TENM4: variants seen among roughly 807,000 people sequenced by gnomAD.
TENM4 encodes the protein teneurin-4.
In TENM4, 82 loss-of-function variants were observed where a neutral mutation model predicts 243.3. That is an observed-to-expected ratio of 0.34 (90% CI 0.28 to 0.40). The LOEUF is 0.40. TENM4 is among the 10% of genes least tolerant of loss of function. The pLI, the probability that TENM4 is intolerant of heterozygous loss-of-function variation, is 1.00. For synonymous variants in TENM4, 1,412 were observed against 1,456.3 expected (o/e 0.97, Z 0.69); for missense variants, 3,138 against 3,673.3 (o/e 0.85, Z 3.77).
chr11:78,914,420 C>T (rs540312761), intron 6 of TENM4, among the ~76,000 whole-genome samples: 1 of 152,286 alleles, frequency 6.6e-6, no homozygotes, highest in East Asian at 1.9e-4. Flanking sequence ...AGGAAGTTAC[C>T]TGGAGCAGAC....
chr11:78,738,158 G>T (rs1272427579), intron 20 of TENM4, among the ~76,000 whole-genome samples: 3 of 152,282 alleles, frequency 2.0e-5, no homozygotes, highest in Middle Eastern at 3.4e-3. Context: ...TGCAGAAAGT[G>T]GTTCGCATGA....
At chr11:79,113,552 G>C (rs908885940) in intron 4 of TENM4, among the ~76,000 whole-genome samples, 1 of 151,814 alleles carries the variant, frequency 6.6e-6, no homozygotes, top group Non-Finnish European at 1.5e-5. Context: ...AAAACTCACC[G>C]AGAAAGCAAC....
intron 1 of TENM4, among the ~76,000 whole-genome samples, chr11:79,430,859 T>C (rs1859152842): frequency 6.6e-6 from 1 of 152,134 alleles, no homozygotes; most frequent in African/African-American, 2.4e-5. Flanking sequence ...TAAATGGCCA[T>C]AAAGAGAATT....
chr11:79,045,432 G>C (rs1419708615), intron 6 of TENM4, among the ~76,000 whole-genome samples: 1 of 152,166 alleles, frequency 6.6e-6, no homozygotes, highest in African/African-American at 2.4e-5. Context: ...AGTAAGATTG[G>C]GATTTAAGTC....
intron 3 of TENM4, among the ~76,000 whole-genome samples, chr11:79,208,385 C>G (rs1863890958): frequency 6.6e-6 from 1 of 152,220 alleles, no homozygotes; most frequent in African/African-American, 2.4e-5. Context: ...GAAAGTACTT[C>G]TCTCCACCCT....
intron 9 of TENM4, among the ~76,000 whole-genome samples, chr11:78,870,305 C>G (rs1310259151): frequency 6.6e-6 from 1 of 152,162 alleles, no homozygotes; most frequent in Admixed American, 6.5e-5. Flanking sequence ...TGTGATACTG[C>G]CTTTTTCTTC....
At chr11:79,136,549 C>T (rs150515896) in intron 4 of TENM4, among the ~76,000 whole-genome samples, 25 of 152,284 alleles carry the variant, frequency 1.6e-4, no homozygotes, top group African/African-American at 5.3e-4. Flanking sequence ...AATATGGCAC[C>T]ATTCCTCAGG....
At chr11:79,080,633 A>G (rs1860644079) in intron 4 of TENM4, among the ~76,000 whole-genome samples, 2 of 152,184 alleles carry the variant, frequency 1.3e-5, no homozygotes, top group Non-Finnish European at 2.9e-5. Flanking sequence ...TGGGGCACTC[A>G]GTCCCATGTG....
intron 9 of TENM4, among the ~76,000 whole-genome samples, chr11:78,876,708 G>C (rs1229839292): frequency 6.6e-6 from 1 of 152,216 alleles, no homozygotes; most frequent in East Asian, 1.9e-4. Flanking sequence ...GGATGGCTCA[G>C]AGGCAGTGAC....
At chr11:79,081,534 G>GGTGTGTGT (rs56237099) in intron 4 of TENM4, among the ~76,000 whole-genome samples, 10,279 of 148,168 alleles carry the variant, frequency 0.069, 397 homozygotes, top group African/African-American at 0.093. Context: ...TGTCAGAGGT[G>GGTGTGTGT]GTGTGTGTGT....
intron 12 of TENM4, among the ~76,000 whole-genome samples, chr11:78,815,497 A>C (rs1857588335): frequency 6.6e-6 from 1 of 152,170 alleles, no homozygotes; most frequent in South Asian, 2.1e-4. Context: ...ACTCCTCCTA[A>C]TACGTTTGTT....
chr11:79,089,362 G>A (rs1034252755), intron 4 of TENM4, among the ~76,000 whole-genome samples: 21 of 152,194 alleles, frequency 1.4e-4, no homozygotes, highest in African/African-American at 4.1e-4. Flanking sequence ...TTCCACGAGC[G>A]CAAGGAAAGG....
chr11:79,289,186 T>C (rs1856312899), intron 2 of TENM4, among the ~76,000 whole-genome samples: 1 of 152,182 alleles, frequency 6.6e-6, no homozygotes. Flanking sequence ...TGATTGATAA[T>C]GTTTATCCAA....
intron 6 of TENM4, among the ~76,000 whole-genome samples, chr11:79,011,870 C>T (rs1858650726): frequency 1.3e-5 from 2 of 152,258 alleles, no homozygotes; most frequent in African/African-American, 4.8e-5. Flanking sequence ...AATCCAATGA[C>T]TCTGTCATTC....
At chr11:79,324,123 C>G (rs953706657) in intron 1 of TENM4, among the ~76,000 whole-genome samples, 2 of 152,024 alleles carry the variant, frequency 1.3e-5, no homozygotes, top group African/African-American at 4.8e-5. Flanking sequence ...ATTTATAATG[C>G]CTAATATAAT....
intron 25 of TENM4, among the ~76,000 whole-genome samples, chr11:78,716,001 G>T (rs889072313): frequency 2.6e-5 from 4 of 152,170 alleles, no homozygotes; most frequent in African/African-American, 9.7e-5. Flanking sequence ...CAGACACTGC[G>T]CTAGCACTTG....
intron 18 of TENM4, among the ~76,000 whole-genome samples, chr11:78,768,737 C>G (rs1856590391): frequency 6.6e-6 from 1 of 152,220 alleles, no homozygotes; most frequent in Non-Finnish European, 1.5e-5. Flanking sequence ...ACTGGCTCAT[C>G]TCTCAGAACA....
At chr11:79,225,909 G>C (rs1864254586) in intron 2 of TENM4, among the ~76,000 whole-genome samples, 1 of 152,142 alleles carries the variant, frequency 6.6e-6, no homozygotes, top group Non-Finnish European at 1.5e-5. Context: ...ACGAAAATGA[G>C]TAATATGAAT....
At chr11:78,857,233 G>C (rs1032188406) in intron 10 of TENM4, among the ~76,000 whole-genome samples, 3 of 152,280 alleles carry the variant, frequency 2.0e-5, no homozygotes, top group Non-Finnish European at 2.9e-5. Flanking sequence ...TGTTATGAAG[G>C]ACTTCCTGGG....
Sources: gnomAD v4.1 joint callset for allele counts (sites outside exome capture counted in the v4.1 genomes callset) on GRCh38, gnomAD v4.1.1 for gene constraint, MANE v1.5 for transcripts, NCBI Gene and HGNC (gene_info 2026-07-23, HGNC 2026-07-21) for gene names.